The following AFF2 variants were observed in gnomAD, a reference collection of about 807,000 sequenced individuals.
AFF2 encodes AF4/FMR2 family member 2.
In AFF2, 14 loss-of-function variants were observed where a neutral mutation model predicts 76.9. That is an observed-to-expected ratio of 0.18 (90% CI 0.12 to 0.28). AFF2 has a LOEUF of 0.28. Among genes scored for constraint, AFF2 ranks in the 10% least tolerant of loss-of-function variants. The pLI is 1.00. For missense variants in AFF2, 868 were observed against 1,001.1 expected (o/e 0.87, Z 1.79); for synonymous variants, 398 against 366.7 (o/e 1.09, Z -0.98).
At chrX:148,560,297 A>G (rs1485848769) in intron 1 of AFF2, among the ~76,000 whole-genome samples, 2 of 111,798 alleles carry the variant, frequency 1.8e-5, no homozygotes, top group Non-Finnish European at 3.8e-5. Flanking sequence ...GCAATGGGGA[A>G]AGGATTCCCT....
chrX:148,562,327 A>G (rs2053122951), intron 1 of AFF2, among the ~76,000 whole-genome samples: 1 of 112,025 alleles, frequency 8.9e-6, no homozygotes, highest in Non-Finnish European at 1.9e-5. Flanking sequence ...AAGTCATGCA[A>G]CACCAGAATA....
At chrX:148,861,374 C>T (rs925594566) in intron 7 of AFF2, among the ~76,000 whole-genome samples, 5 of 111,819 alleles carry the variant, frequency 4.5e-5, no homozygotes, top group Non-Finnish European at 5.6e-5. Flanking sequence ...TATTTAGATT[C>T]TCTTTTTCTA....
At chrX:148,578,468 G>A (rs868939531) in intron 1 of AFF2, among the ~76,000 whole-genome samples, 11 of 111,629 alleles carry the variant, frequency 9.9e-5, no homozygotes, top group East Asian at 2.8e-4. Flanking sequence ...TAATAGGTGC[G>A]TTGAAGGGAT....
intron 1 of AFF2, among the ~76,000 whole-genome samples, chrX:148,548,212 A>G (rs782115213): frequency 9.0e-6 from 1 of 111,656 alleles, no homozygotes; most frequent in Non-Finnish European, 1.9e-5. Flanking sequence ...TGCTTTACCT[A>G]CCTATGGCCC....
At chrX:148,537,398 C>G (rs1557236736) in intron 1 of AFF2, among the ~76,000 whole-genome samples, 1 of 111,538 alleles carries the variant, frequency 9.0e-6, no homozygotes, top group African/African-American at 3.3e-5. Context: ...TGCTGGGCAC[C>G]AAGTTACCCT....
At chrX:148,969,020 A>C (rs781934837) in intron 15 of AFF2, among the ~76,000 whole-genome samples, 93 of 112,904 alleles carry the variant, frequency 8.2e-4, no homozygotes, top group Non-Finnish European at 1.6e-3. Flanking sequence ...GAGCATACAC[A>C]TGTTCCATTG....
chrX:148,698,797 G>GTTTTTT (rs142604433), intron 3 of AFF2, among the ~76,000 whole-genome samples: 4 of 71,714 alleles, frequency 5.6e-5, no homozygotes, highest in African/African-American at 9.9e-5. Context: ...GAGTTCTAGT[G>GTTTTTT]TTTTTTTTTT....
chrX:148,652,268 T>C, intron 2 of AFF2, 137 bp downstream of exon 2: 1 of 461,965 alleles, frequency 2.2e-6, no homozygotes, highest in Non-Finnish European at 3.6e-6. Context: ...ACATACACTG[T>C]ATTTGAGGCA....
intron 9 of AFF2, among the ~76,000 whole-genome samples, chrX:148,941,655 G>A (rs1196970802): frequency 8.9e-6 from 1 of 112,114 alleles, no homozygotes; most frequent in Non-Finnish European, 1.9e-5. Flanking sequence ...CAGATACTTT[G>A]CATTTTGTCA....
intron 1 of AFF2, among the ~76,000 whole-genome samples, chrX:148,596,833 A>G (rs183008865): frequency 5.3e-5 from 6 of 112,574 alleles, no homozygotes; most frequent in African/African-American, 1.9e-4. Context: ...GCTCTAGGAT[A>G]AAAACTGTGG....
chrX:148,567,420 C>G (rs1317189791), intron 1 of AFF2, among the ~76,000 whole-genome samples: 2 of 111,530 alleles, frequency 1.8e-5, no homozygotes, highest in African/African-American at 6.5e-5. Flanking sequence ...GAAGCAAAGC[C>G]ACACAGGCAT....
At chrX:148,621,567 T>A (rs2053868413) in intron 1 of AFF2, among the ~76,000 whole-genome samples, 1 of 111,951 alleles carries the variant, frequency 8.9e-6, no homozygotes, top group Admixed American at 9.5e-5. Flanking sequence ...ATCTTATATT[T>A]GTTTCAATTA....
chrX:148,635,814 T>TA (rs1357797751), intron 1 of AFF2, among the ~76,000 whole-genome samples: 1 of 109,344 alleles, frequency 9.1e-6, no homozygotes, highest in African/African-American at 3.3e-5. Context: ...GGGAAATGAA[T>TA]AATAGCCTGA....
At chrX:148,924,677 G>C (rs1352072108) in intron 9 of AFF2, among the ~76,000 whole-genome samples, 1 of 111,809 alleles carries the variant, frequency 8.9e-6, no homozygotes, top group Non-Finnish European at 1.9e-5. Flanking sequence ...GGGAAAGGAG[G>C]AATTCAGACA....
chrX:148,610,358 G>A (rs1039389014), intron 1 of AFF2, among the ~76,000 whole-genome samples: 7 of 111,715 alleles, frequency 6.3e-5, no homozygotes, highest in African/African-American at 2.0e-4. Flanking sequence ...TATTCTACCC[G>A]ATCATGATGC....
intron 4 of AFF2, among the ~76,000 whole-genome samples, chrX:148,821,865 C>G (rs782323162): frequency 9.0e-6 from 1 of 111,328 alleles, no homozygotes; most frequent in African/African-American, 3.3e-5. Flanking sequence ...CATACATGCA[C>G]ACAAAGGTGA....
chrX:148,812,600 T>A (rs1288374064), intron 4 of AFF2, among the ~76,000 whole-genome samples: 1 of 111,183 alleles, frequency 9.0e-6, no homozygotes, highest in Non-Finnish European at 1.9e-5. Flanking sequence ...CCATTTGCTC[T>A]CCCAACTTTC....
chrX:148,645,145 C>A (rs1388648751), intron 1 of AFF2, among the ~76,000 whole-genome samples: 3 of 111,574 alleles, frequency 2.7e-5, no homozygotes, highest in African/African-American at 9.8e-5. Flanking sequence ...AGACTTTAGA[C>A]TTCAGCAACC....
chrX:148,779,169 AT>A (rs2069708028), intron 3 of AFF2, among the ~76,000 whole-genome samples: 2 of 111,689 alleles, frequency 1.8e-5, no homozygotes, highest in African/African-American at 6.5e-5. Context: ...GAGTTTCTTA[AT>A]CCTGAGTTCT....
Sources: allele counts gnomAD v4.1 joint callset (sites outside exome capture counted in the v4.1 genomes callset), GRCh38; gene constraint gnomAD v4.1.1; transcripts MANE v1.5; gene names NCBI Gene and HGNC (gene_info 2026-07-23, HGNC 2026-07-21).